MYCBP2: variants seen among roughly 807,000 people sequenced by gnomAD.
MYCBP2 encodes the protein E3 ubiquitin-protein ligase MYCBP2.
In MYCBP2, 120 loss-of-function variants were observed where a neutral mutation model predicts 525.3. The ratio of observed to expected loss-of-function variants is 0.23; its 90% CI spans 0.20 to 0.27. The LOEUF (loss-of-function observed/expected upper bound fraction) is 0.27, where lower values mean the gene tolerates loss of function less well. Among genes scored for constraint, MYCBP2 ranks in the 10% least tolerant of loss-of-function variants. MYCBP2 has a pLI of 1.00. For synonymous variants in MYCBP2, 1,894 were observed against 1,955.8 expected, an observed-to-expected ratio of 0.97 and a Z score of 0.83; for missense variants, 4,149 against 5,657.1, an observed-to-expected ratio of 0.73 and a Z score of 8.55.
chr13:77,059,404 A>G, intron 77 of MYCBP2, 119 bp downstream of exon 77: 2 of 712,502 alleles, frequency 2.8e-6, no homozygotes, highest in South Asian at 1.8e-5. Flanking sequence ...TGCTTCACAT[A>G]GGTAATACAC....
chr13:77,140,974 T>C lies in MYCBP2; in HGVS notation c.7304-31A>G, dbSNP rs2054517209. The stretch of plus-strand genomic sequence containing the variant: ...AGAAAAATCAGAGAACTGTAACATT[T>C]GAGAAAAAAAGAGAAGGAAGATCCT... On this transcript the variant is annotated intron_variant, in intron 49 of 82. Coordinates refer to ENST00000544440, the MANE Select transcript of MYCBP2 (RefSeq NM_015057.5). 2.0e-6 allele frequency: 3 copies of C among 1,494,254 alleles called. No individual in the cohort carries two copies. The African/African-American group carries it at 4.2e-5, about 21-fold the overall frequency. The allele number at this position is 1,494,254 out of a possible 1,614,324, so 92.6% of individuals were successfully genotyped here.
intron 5 of MYCBP2, among the ~76,000 whole-genome samples, chr13:77,271,686 C>T (rs1162689988): frequency 1.3e-5 from 2 of 152,186 alleles, no homozygotes; most frequent in African/African-American, 4.8e-5. Flanking sequence ...CTGCCATCCA[C>T]GTAAGACATG....
At chr13:77,154,198 T>C (rs2056919407) in intron 46 of MYCBP2, among the ~76,000 whole-genome samples, 1 of 152,080 alleles carries the variant, frequency 6.6e-6, no homozygotes, top group Admixed American at 6.5e-5. Context: ...TAAACATCAG[T>C]AGGAGCACAA....
chr13:77,264,948 AC>A (rs1328292229), intron 8 of MYCBP2, among the ~76,000 whole-genome samples: 1 of 152,088 alleles, frequency 6.6e-6, no homozygotes, highest in Non-Finnish European at 1.5e-5. Context: ...CAATACCAAA[AC>A]AAAAAATAAC....
Position 77,098,231 on chromosome 13 carries a change from G to C in MYCBP2, c.8923C>G (p.Pro2975Ala). ...CTCATTTCCTGTTCATCTTTCAGTG[G>C]TGCTTTTCCAATGCTAAAATGAACT... ...NKVHFSIGKA[P>A]LKDEQEMRAS... Residue 2975 changes from proline (P) to alanine (A), a missense_variant, in exon 56 of 83, where the codon CCA becomes GCA. By Grantham distance (27) the Pro-to-Ala change is conservative (BLOSUM62 -1). Coordinates refer to ENST00000544440, the MANE Select transcript of MYCBP2 (RefSeq NM_015057.5). 1.2e-6 allele frequency: 2 copies of C among 1,613,414 alleles called. No homozygotes were observed. The highest frequency in any genetic ancestry group is 2.2e-5 in the South Asian group (2 of 91,060).
chr13:77,206,007 A>G (rs2063289673), intron 24 of MYCBP2, among the ~76,000 whole-genome samples: 1 of 152,168 alleles, frequency 6.6e-6, no homozygotes, highest in Non-Finnish European at 1.5e-5. Flanking sequence ...TTTGAGAAAA[A>G]AGAAACAAAG....
intron 43 of MYCBP2, among the ~76,000 whole-genome samples, chr13:77,162,726 G>A (rs1053767399): frequency 3.3e-5 from 5 of 152,058 alleles, no homozygotes; most frequent in South Asian, 2.1e-4. Context: ...GTGCGATCTC[G>A]GCTCACTGCA....
intron 26 of MYCBP2, among the ~76,000 whole-genome samples, chr13:77,197,235 G>C (rs1440263476): frequency 6.6e-6 from 1 of 152,136 alleles, no homozygotes; most frequent in Non-Finnish European, 1.5e-5. Context: ...GTAAGAGAGA[G>C]AATGGAGACA....
intron 55 of MYCBP2, among the ~76,000 whole-genome samples, chr13:77,102,117 C>T (rs2047159744): frequency 1.3e-5 from 2 of 151,690 alleles, no homozygotes; most frequent in African/African-American, 4.8e-5. Context: ...CATTCATTCA[C>T]TAAATGACCC....
chr13:77,196,831 C>T (rs2061807617), intron 26 of MYCBP2, among the ~76,000 whole-genome samples: 2 of 152,148 alleles, frequency 1.3e-5, no homozygotes, highest in African/African-American at 4.8e-5. Flanking sequence ...GTTTAAAGGT[C>T]AGAGAAGAGG....
chr13:77,248,840 A>G (rs900510963), intron 15 of MYCBP2, among the ~76,000 whole-genome samples: 2 of 152,240 alleles, frequency 1.3e-5, no homozygotes, highest in South Asian at 4.1e-4. Flanking sequence ...TACTCACAAT[A>G]GTTACAATGT....
At chr13:77,201,517 T>C (rs1566905961) in intron 26 of MYCBP2, among the ~76,000 whole-genome samples, 2 of 152,074 alleles carry the variant, frequency 1.3e-5, no homozygotes. Flanking sequence ...ATCCAGGAAT[T>C]GAACTCAGCT....
chr13:77,314,409 T>A (rs2080669636), intron 1 of MYCBP2, among the ~76,000 whole-genome samples: 1 of 152,246 alleles, frequency 6.6e-6, no homozygotes, highest in Admixed American at 6.5e-5. Context: ...CAAATTCTGG[T>A]ACATCTACAT....
chr13:77,193,546 G>C (rs2061486461), intron 27 of MYCBP2, among the ~76,000 whole-genome samples: 1 of 152,028 alleles, frequency 6.6e-6, no homozygotes, highest in Non-Finnish European at 1.5e-5. Flanking sequence ...TCAAACCAGG[G>C]AACACTGATC....
At chr13:77,141,796 T>G (rs1053100254) in intron 49 of MYCBP2, among the ~76,000 whole-genome samples, 1 of 149,100 alleles carries the variant, frequency 6.7e-6, no homozygotes, top group Non-Finnish European at 1.5e-5. Context: ...AAAGTATACA[T>G]AGAGAAAATT....
chr13:77,108,397 C>A (rs1453275356), intron 55 of MYCBP2, among the ~76,000 whole-genome samples: 1 of 152,034 alleles, frequency 6.6e-6, no homozygotes, highest in South Asian at 2.1e-4. Context: ...ATATCTTAGG[C>A]CTTAGAAAGA....
intron 55 of MYCBP2, among the ~76,000 whole-genome samples, chr13:77,107,643 T>TG (rs1184748197): frequency 6.6e-6 from 1 of 151,858 alleles, no homozygotes; most frequent in East Asian, 1.9e-4. Flanking sequence ...GAGGCAGAGG[T>TG]GGGAGGATCA....
At chr13:77,229,482 G>T (rs2066824164) in intron 18 of MYCBP2, among the ~76,000 whole-genome samples, 1 of 152,104 alleles carries the variant, frequency 6.6e-6, no homozygotes, top group Non-Finnish European at 1.5e-5. Flanking sequence ...TAAATCCTTT[G>T]TAAAAATAAA....
chr13:77,258,162 TA>T (rs1417890159), intron 13 of MYCBP2, among the ~76,000 whole-genome samples: 1 of 152,190 alleles, frequency 6.6e-6, no homozygotes, highest in Non-Finnish European at 1.5e-5. Flanking sequence ...AAGGAGTCCA[TA>T]AATAATTTAT....
Sources: gnomAD v4.1 joint callset for allele counts (sites outside exome capture counted in the v4.1 genomes callset) on GRCh38, gnomAD v4.1.1 for gene constraint, MANE v1.5 for transcripts, NCBI Gene and HGNC (gene_info 2026-07-23, HGNC 2026-07-21) for gene names.